EMC1: variants seen among roughly 807,000 people sequenced by gnomAD.
EMC1 encodes KIAA0090.
Under a neutral mutation model 128.8 loss-of-function variants are expected in EMC1, and 103 were observed. The observed-to-expected ratio is 0.80, with a 90% CI of 0.68 to 0.94. EMC1 has a LOEUF of 0.94. Among genes scored for constraint, EMC1 ranks in the 40% least tolerant of loss-of-function variants. The pLI, the probability that EMC1 is intolerant of heterozygous loss-of-function variation, is 0.00. For missense variants in EMC1, 1,083 were observed against 1,250.6 expected, an observed-to-expected ratio of 0.87 and a Z score of 2.02; for synonymous variants, 442 against 490.4, an observed-to-expected ratio of 0.90 and a Z score of 1.30.
In EMC1 at chr1:19,240,585, C is replaced by T; in HGVS notation, c.637-139G>A. On this transcript the variant is annotated intron_variant, in intron 6 of 22. Coordinates refer to ENST00000477853, the MANE Select transcript of EMC1 (RefSeq NM_015047.3). ...CTTCATGGTTGGTTGTATAGGAGTT[C>T]TTCCTGTCCCCTGAAACCCCACCCT... 4.5e-6 allele frequency: 4 copies of T among 889,264 alleles called. No homozygotes were observed. The South Asian group carries it at 7.1e-5, about 16-fold the overall frequency. 55.1% of individuals were successfully genotyped at this position (889,264 alleles called of 1,614,324 possible). A position where few individuals can be genotyped will look rare whatever the true frequency, so the allele number is the denominator to read the frequency against.
At chr1:19,227,774 A>G (rs1187293953) in intron 17 of EMC1, among the ~76,000 whole-genome samples, 4 of 152,214 alleles carry the variant, frequency 2.6e-5, no homozygotes, top group African/African-American at 9.6e-5. Context: ...AGGCTGAGGC[A>G]GAGGCTGCAG....
intron 21 of EMC1, 180 bp downstream of exon 21, chr1:19,220,584 G>A: frequency 2.1e-6 from 1 of 483,138 alleles, no homozygotes; most frequent in Non-Finnish European, 3.7e-6. Flanking sequence ...TGTATTTATT[G>A]TCCATTTCCC....
At chr1:19,238,976 C>A in intron 9 of EMC1, 119 bp from the exon 10 acceptor site, 1 of 808,750 alleles carries the variant, frequency 1.2e-6, no homozygotes. Context: ...CATTTCTCAC[C>A]CCTGCCCACA....
Position 19,237,342 on chromosome 1 carries a change from A to G in EMC1, c.1213-104T>C, listed in dbSNP as rs1343470396. 3 of 800,776 alleles carry G rather than the reference A, an allele frequency of 3.7e-6. No individual in the cohort carries two copies. In the East Asian group the frequency reaches 7.3e-5, roughly 20 times the overall value. The allele number at this position is 800,776 out of a possible 1,614,324, so 49.6% of individuals were successfully genotyped here. On this transcript the variant is annotated intron_variant, in intron 11 of 22. Coordinates refer to ENST00000477853, the MANE Select transcript of EMC1 (RefSeq NM_015047.3). ...CCTGGACTTAACAGAGGTACAGGCC[A>G]TGGCATTATTTGATGTCTAAACAAT...
chr1:19,222,705 G>A lies in EMC1; in HGVS notation c.2506C>T (p.Gln836Ter), dbSNP rs1458391799. 2 of 1,614,192 alleles carry A rather than the reference G, an allele frequency of 1.2e-6. No individual in the cohort carries two copies. Residue 836 changes from glutamine (Q) to a stop codon, truncating the protein, a stop_gained, in exon 20 of 23, where the codon CAG (glutamine) becomes TAG (stop). Coordinates refer to ENST00000477853, the MANE Select transcript of EMC1 (RefSeq NM_015047.3). LOFTEE classifies it high-confidence loss of function. ...DRPQLPQVLQ[Q>*]SYIFPSSISA... ...ATGGAGGACGGGAAGATATAGGACT[G>A]CTGGAGGACCTGGGGCAGCTGGGGG...
rs756676817 is a variant in EMC1, at chr1:19,219,591, G to A, written c.2780C>T (p.Ser927Leu). 28 of 1,613,982 alleles carry A rather than the reference G, an allele frequency of 1.7e-5. No homozygotes were observed. The highest frequency in any genetic ancestry group is 5.3e-5 in the African/African-American group (4 of 74,918). ...CACCAAACAAGTGGACTCCAGACCC[G>A]AGGGAGCTGTGTAGATACCTCGCAT... ...SRMRGIYTAP[S>L]GLESTCLVVA... Residue 927 changes from serine (S) to leucine (L), a missense_variant, in exon 22 of 23, where the codon TCG becomes TTG. Around this residue, in one of 3 missense-constraint regions of EMC1, gnomAD observed 527 missense variants for 644.1 expected, o/e 0.82. Coordinates refer to ENST00000477853, the MANE Select transcript of EMC1 (RefSeq NM_015047.3).
Position 19,232,930 on chromosome 1 carries a change from AC to A in EMC1, c.1632+5del. 4 of 1,613,594 alleles carry A rather than the reference AC, an allele frequency of 2.5e-6. No homozygotes were observed. The highest frequency in any genetic ancestry group is 3.4e-6 in the Non-Finnish European group (4 of 1,179,760). On this transcript the variant is annotated splice_donor_5th_base_variant and intron_variant, in intron 14 of 22. Transcript: ENST00000477853. ...GTTCAGTAACTGGAGCTTAAACCCC[AC>A]TCACCTTGCCTGAGGCTGTTACCAT...
Position 19,219,427 on chromosome 1 carries a change from A to T in EMC1, c.2858T>A (p.Phe953Tyr), listed in dbSNP as rs1267383375. ...GTCATAGTCATCCTTCAGAACGTCA[A>T]ACTGCTTGGATGGGTAGACTCGAGT... ...YQTRVYPSKQ[F>Y]DVLKDDYDYV... Residue 953 changes from phenylalanine to tyrosine, a missense_variant, in exon 23 of 23, where the codon TTT becomes TAT. Physicochemically the swap from Phe to Tyr is conservative, Grantham distance 22. Coordinates refer to ENST00000477853, the MANE Select transcript of EMC1 (RefSeq NM_015047.3). 2 of 1,614,034 alleles carry T rather than the reference A, an allele frequency of 1.2e-6. No homozygotes were observed. Among genetic ancestry groups the T allele is most frequent in the Non-Finnish European group, 1.7e-6 (2 of 1,180,008 alleles).
At chr1:19,226,476 AT>A (rs897697607) in intron 18 of EMC1, among the ~76,000 whole-genome samples, 12 of 151,776 alleles carry the variant, frequency 7.9e-5, no homozygotes, top group South Asian at 4.2e-4. Context: ...TTAAAAAAAA[AT>A]TTTTTTTTGA....
Position 19,241,028 on chromosome 1 carries a change from C to G in EMC1, c.624G>C (p.Glu208Asp). The G allele has an allele frequency of 6.2e-7, 1 of 1,614,206 alleles. No homozygotes were observed. ...NIVKFNVEDG[E>D]IVQQVRVSTP... ...CACCCTCCTGTACCTGCTGAACAAT[C>G]TCTCCATCTTCCACATTAAACTTGA... The change falls in exon 6 of 23, where the codon GAG becomes GAC. Residue 208 changes from glutamate to aspartate, a missense_variant. Transcript: ENST00000477853.
At position 19,219,684 on chromosome 1, in the gene EMC1, A is replaced by AT. The variant is rs1428618759; in HGVS notation, c.2686dup (p.Ile896AsnfsTer18). On this transcript the variant is annotated frameshift_variant, in exon 22 of 23. Transcript: ENST00000477853. LOFTEE classifies it high-confidence loss of function. The stretch of plus-strand genomic sequence containing the variant: ...TATCTGTACATCTGGAGAATACGGG[A>AT]TTAAGTTCTCCTCTCTGCAAAACAC... 1.2e-6 allele frequency: 2 copies of AT among 1,614,060 alleles called. No individual in the cohort carries two copies. The highest frequency in any genetic ancestry group is 1.7e-6 in the Non-Finnish European group (2 of 1,180,014).
chr1:19,225,045 T>G (rs1028059490), intron 18 of EMC1, among the ~76,000 whole-genome samples: 2 of 152,234 alleles, frequency 1.3e-5, no homozygotes, highest in Non-Finnish European at 2.9e-5. Flanking sequence ...CGGCTTTATT[T>G]TTCTCTATAG....
At chr1:19,243,783 G>GGA in intron 3 of EMC1, 76 bp from the exon 4 acceptor site, 3 of 1,502,230 alleles carry the variant, frequency 2.0e-6, no homozygotes, top group Non-Finnish European at 2.8e-6. Flanking sequence ...GTGAGCAGTG[G>GGA]CCTCACCTCT....
chr1:19,223,120 G>C, intron 19 of EMC1: 3 of 559,058 alleles, frequency 5.4e-6, no homozygotes, highest in Non-Finnish European at 9.5e-6. Context: ...TTCTTTGCTA[G>C]ACTGAAGGTG....
At chr1:19,245,502 T>C (rs2151964278) in intron 1 of EMC1, among the ~76,000 whole-genome samples, 1 of 152,304 alleles carries the variant, frequency 6.6e-6, no homozygotes, top group South Asian at 2.1e-4. Context: ...CCATTCAATG[T>C]AGTCAGATGC....
At chr1:19,246,881 C>T (rs1053262285) in intron 1 of EMC1, among the ~76,000 whole-genome samples, 3 of 152,166 alleles carry the variant, frequency 2.0e-5, no homozygotes, top group Non-Finnish European at 4.4e-5. Flanking sequence ...GAAACCCTAT[C>T]CCCCAGTGTT....
chr1:19,216,865 T>A lies in EMC1; in HGVS notation c.*2438A>T, dbSNP rs963869296. 2 of 152,232 alleles carry A rather than the reference T, an allele frequency of 1.3e-5. No individual in the cohort carries two copies. The highest frequency in any genetic ancestry group is 4.8e-5 in the African/African-American group (2 of 41,430). 9.4% of individuals were successfully genotyped at this position (152,232 alleles called of 1,614,324 possible). On this transcript the variant is annotated 3_prime_UTR_variant, in exon 23 of 23. Coordinates refer to ENST00000477853, the MANE Select transcript of EMC1 (RefSeq NM_015047.3). ...GCCACCAGGCCCGGCTAATTTTTTT[T>A]TATTTTTTGTAGATAGAGTCTTGCT...
rs1047844290 is a variant in EMC1, at chr1:19,223,579, G to A, written c.2203-10C>T. The stretch of plus-strand genomic sequence containing the variant: ...GGTTGGGGTTCAGGCTCTGGAGAGA[G>A]AGAGAAAACCTCCCTTAGAACCACG... On this transcript the variant is annotated splice_polypyrimidine_tract_variant and intron_variant, in intron 18 of 22. Transcript: ENST00000477853. The A allele has an allele frequency of 1.2e-6, 2 of 1,613,136 alleles. No homozygotes were observed. The highest frequency in any genetic ancestry group is 1.7e-6 in the Non-Finnish European group (2 of 1,179,854).
chr1:19,220,243 GAT>G lies in EMC1; in HGVS notation c.2672+519_2672+520del, dbSNP rs369980268. ...ATACAACAATACCAACAGTGAATAA[GAT>G]ATTGGCTTGCCCACATGGTCTGGCC... On this transcript the variant is annotated intron_variant, in intron 21 of 22. Coordinates refer to ENST00000477853, the MANE Select transcript of EMC1 (RefSeq NM_015047.3). The G allele has an allele frequency of 2.0e-4, 32 of 160,976 alleles. 1 individual carries two copies. The Middle Eastern group carries it at 9.9e-3, about 50-fold the overall frequency. 10.0% of individuals were successfully genotyped at this position (160,976 alleles called of 1,614,324 possible).
Sources: gnomAD v4.1 joint callset for allele counts (sites outside exome capture counted in the v4.1 genomes callset) on GRCh38, gnomAD v4.1.1 for gene constraint, gnomAD v4.1.1 regional missense constraint, MANE v1.5 for transcripts, NCBI Gene and HGNC (gene_info 2026-07-23, HGNC 2026-07-21) for gene names.